The following TMEFF1 variants were observed in gnomAD, a reference collection of about 807,000 sequenced individuals.
The protein encoded by TMEFF1 is tomoregulin-1.
Under a neutral mutation model 47.5 loss-of-function variants are expected in TMEFF1, and 20 were observed. The ratio of observed to expected loss-of-function variants is 0.42; its 90% CI spans 0.30 to 0.61. The LOEUF (loss-of-function observed/expected upper bound fraction) is 0.61. Ranked by LOEUF, TMEFF1 falls within the 20% of genes least tolerant of loss-of-function variation. TMEFF1 has a pLI of 0.19. For missense variants in TMEFF1, 411 were observed against 471.1 expected (o/e 0.87, Z 1.18); for synonymous variants, 162 against 166.3 (o/e 0.97, Z 0.20).
chr9:100,552,898 A>G (rs1392878512), intron 7 of TMEFF1, among the ~76,000 whole-genome samples: 2 of 152,000 alleles, frequency 1.3e-5, no homozygotes, highest in Admixed American at 1.3e-4. Context: ...CCTATTTCAG[A>G]TGTTCAATAG....
At chr9:100,496,623 T>C (rs1013839099) in intron 1 of TMEFF1, among the ~76,000 whole-genome samples, 2 of 152,210 alleles carry the variant, frequency 1.3e-5, no homozygotes, top group African/African-American at 4.8e-5. Context: ...CAAACATTCC[T>C]TGGGGTTACC....
intron 8 of TMEFF1, among the ~76,000 whole-genome samples, chr9:100,572,007 A>C (rs1192994171): frequency 6.6e-6 from 1 of 152,114 alleles, no homozygotes; most frequent in African/African-American, 2.4e-5. Flanking sequence ...GTAAATACAA[A>C]GAAGCTTTGC....
chr9:100,564,326 C>T (rs1839079482), intron 8 of TMEFF1, among the ~76,000 whole-genome samples: 1 of 152,214 alleles, frequency 6.6e-6, no homozygotes, highest in Admixed American at 6.5e-5. Flanking sequence ...CCACCTGCCT[C>T]AGCCTCCCAA....
In TMEFF1 at chr9:100,511,461, G is replaced by A. The variant is rs115541823; in HGVS notation, c.437-1846G>A. Among the ~76,000 whole-genome samples, 112 of 152,120 alleles carry A rather than the reference G, an allele frequency of 7.4e-4. 1 individual carries two copies. The highest frequency in any genetic ancestry group is 2.6e-3 in the African/African-American group (110 of 41,514). On this transcript the variant is annotated intron_variant, in intron 3 of 9. Coordinates refer to ENST00000374879, the MANE Select transcript of TMEFF1 (RefSeq NM_003692.5). ...TTGTTAAGTGGATATTATCTCCTGG[G>A]GTTGTTAAATAAGGATTGAATGAGC...
intron 8 of TMEFF1, 116 bp downstream of exon 8, chr9:100,561,636 TAGACAAG>T (rs1587856529): frequency 1.5e-6 from 2 of 1,336,842 alleles, no homozygotes; most frequent in East Asian, 5.4e-5. Flanking sequence ...TTATTTGCAG[TAGACAAG>T]TAAAAAACAA....
At chr9:100,534,100 A>C (rs1838458482) in intron 5 of TMEFF1, among the ~76,000 whole-genome samples, 1 of 152,206 alleles carries the variant, frequency 6.6e-6, no homozygotes, top group Non-Finnish European at 1.5e-5. Flanking sequence ...GAAGAGGGAA[A>C]GCCTGAGGCA....
intron 7 of TMEFF1, 115 bp downstream of exon 7, chr9:100,550,275 T>C (rs557636429): frequency 1.2e-5 from 11 of 944,474 alleles, no homozygotes; most frequent in Middle Eastern, 2.2e-4. Flanking sequence ...TCTATAGTAA[T>C]ATACCTAACA....
intron 3 of TMEFF1, 46 bp from the exon 4 acceptor site, chr9:100,513,261 A>G (rs1241003316): frequency 5.1e-6 from 8 of 1,577,056 alleles, no homozygotes; most frequent in Non-Finnish European, 6.0e-6. Context: ...ATAAGATGAA[A>G]TTTCCGGGAA....
intron 1 of TMEFF1, among the ~76,000 whole-genome samples, chr9:100,480,014 C>G (rs988002879): frequency 4.6e-5 from 7 of 152,208 alleles, no homozygotes; most frequent in African/African-American, 1.7e-4. Context: ...ATTTCTCCAG[C>G]ATCTTCTCCA....
intron 5 of TMEFF1, among the ~76,000 whole-genome samples, chr9:100,526,198 C>G (rs1047352189): frequency 6.6e-6 from 1 of 152,104 alleles, no homozygotes; most frequent in Non-Finnish European, 1.5e-5. Flanking sequence ...AGTCTAAAGC[C>G]ATTCTAATTC....
chr9:100,514,643 G>T (rs941928673), intron 4 of TMEFF1, among the ~76,000 whole-genome samples: 3 of 149,706 alleles, frequency 2.0e-5, no homozygotes, highest in Non-Finnish European at 4.4e-5. Flanking sequence ...TTGAGCCCAG[G>T]AGTTTGAAAC....
intron 8 of TMEFF1, among the ~76,000 whole-genome samples, chr9:100,565,601 C>T (rs1188142313): frequency 6.6e-6 from 1 of 151,970 alleles, no homozygotes; most frequent in Non-Finnish European, 1.5e-5. Context: ...TTCTTTGTAC[C>T]TTCTCCTCTC....
chr9:100,549,703 C>T (rs1838797858), intron 6 of TMEFF1, among the ~76,000 whole-genome samples: 2 of 152,112 alleles, frequency 1.3e-5, no homozygotes, highest in African/African-American at 4.8e-5. Context: ...CAGAGATTCC[C>T]CATTTATCTT....
intron 1 of TMEFF1, among the ~76,000 whole-genome samples, chr9:100,480,709 G>T (rs1339835634): frequency 6.6e-6 from 1 of 152,158 alleles, no homozygotes; most frequent in Non-Finnish European, 1.5e-5. Context: ...CAAAAAAAAG[G>T]TCTTGGTGCT....
intron 5 of TMEFF1, among the ~76,000 whole-genome samples, chr9:100,541,348 A>T (rs7857521): frequency 0.065 from 6,846 of 105,792 alleles, 349 homozygotes; most frequent in East Asian, 0.25. Context: ...TGGCAATTTC[A>T]TTTTTTTTTT....
At chr9:100,530,236 C>G (rs1165544317) in intron 5 of TMEFF1, among the ~76,000 whole-genome samples, 1 of 151,960 alleles carries the variant, frequency 6.6e-6, no homozygotes, top group Non-Finnish European at 1.5e-5. Context: ...CAAGAAATAA[C>G]TAAAATCAGA....
At chr9:100,572,409 A>G (rs1221840475) in intron 8 of TMEFF1, 109 bp from the exon 9 acceptor site, 1 of 1,245,962 alleles carries the variant, frequency 8.0e-7, no homozygotes, top group Non-Finnish European at 1.1e-6. Context: ...AGTGCATGAT[A>G]TCCTATTCCT....
chr9:100,479,027 A>G (rs1365865592), intron 1 of TMEFF1, among the ~76,000 whole-genome samples: 1 of 152,218 alleles, frequency 6.6e-6, no homozygotes, highest in African/African-American at 2.4e-5. Context: ...AATGGACGAT[A>G]TAAATGTCAG....
chr9:100,479,337 G>A (rs1198168531), intron 1 of TMEFF1, among the ~76,000 whole-genome samples: 1 of 152,106 alleles, frequency 6.6e-6, no homozygotes, highest in Admixed American at 6.6e-5. Context: ...TACCACATCT[G>A]GGCTTGCTTC....
Sources: allele counts gnomAD v4.1 joint callset (sites outside exome capture counted in the v4.1 genomes callset), GRCh38; gene constraint gnomAD v4.1.1; transcripts MANE v1.5; gene names NCBI Gene and HGNC (gene_info 2026-07-23, HGNC 2026-07-21).